STIM1: variants seen among roughly 807,000 people sequenced by gnomAD.
STIM1 encodes stromal interaction molecule 1.
Under a neutral mutation model 74.7 loss-of-function variants are expected in STIM1, and 25 were observed. The observed-to-expected ratio is 0.33, with a 90% CI of 0.24 to 0.47. The LOEUF is 0.47. STIM1 is among the 20% of genes least tolerant of loss of function. The probability of loss-of-function intolerance (pLI) is 1.00; values close to 1 mark genes in which losing one functional copy is unlikely to be tolerated. For missense variants in STIM1, 728 were observed against 920.8 expected (o/e 0.79, Z 2.71); for synonymous variants, 328 against 348.8 (o/e 0.94, Z 0.66).
intron 1 of STIM1, among the ~76,000 whole-genome samples, chr11:3,934,560 C>T (rs1298160862): frequency 6.6e-6 from 1 of 152,190 alleles, no homozygotes; most frequent in Non-Finnish European, 1.5e-5. Context: ...TTAGTTTCAC[C>T]TCTCTTTAGC....
At chr11:3,889,825 G>C (rs1216077813) in intron 1 of STIM1, among the ~76,000 whole-genome samples, 1 of 152,004 alleles carries the variant, frequency 6.6e-6, no homozygotes, top group Non-Finnish European at 1.5e-5. Context: ...TTCTAGGCTT[G>C]GTGCTGAAAA....
chr11:3,858,684 C>A (rs2090483718), intron 1 of STIM1, among the ~76,000 whole-genome samples: 1 of 152,132 alleles, frequency 6.6e-6, no homozygotes. Flanking sequence ...TCTCTGTATC[C>A]CCAGAACACA....
chr11:3,973,029 A>G (rs1290664370), intron 2 of STIM1: 12 of 476,550 alleles, frequency 2.5e-5, no homozygotes, highest in Admixed American at 1.8e-4. Context: ...CATCGTTGTT[A>G]TAGCTGTGAG....
intron 1 of STIM1, among the ~76,000 whole-genome samples, chr11:3,941,614 T>G (rs2093006391): frequency 8.1e-6 from 1 of 123,406 alleles, no homozygotes; most frequent in South Asian, 3.0e-4. Flanking sequence ...TGTGTGTGTG[T>G]ATACATATAT....
intron 2 of STIM1, among the ~76,000 whole-genome samples, chr11:4,010,251 A>G (rs2093823158): frequency 6.6e-6 from 1 of 150,512 alleles, no homozygotes; most frequent in Non-Finnish European, 1.5e-5. Context: ...ACTCACTACA[A>G]CCTCCGCCTT....
At chr11:4,055,326 G>C (rs1337265614) in intron 3 of STIM1, among the ~76,000 whole-genome samples, 200 bp from the exon 4 acceptor site, 3 of 152,074 alleles carry the variant, frequency 2.0e-5, no homozygotes, top group Non-Finnish European at 4.4e-5. Context: ...CCATTGATCT[G>C]CTTTCTATCA....
At chr11:4,073,667 G>A (rs941797891) in intron 6 of STIM1, among the ~76,000 whole-genome samples, 6 of 152,154 alleles carry the variant, frequency 3.9e-5, no homozygotes, top group Admixed American at 1.3e-4. Flanking sequence ...GTGAAGAAGC[G>A]GGAAGGCTTG....
chr11:3,894,061 ACCACGCCAGGCCAATTTGAACTATATTT>A (rs2091981437), intron 1 of STIM1, among the ~76,000 whole-genome samples: 1 of 152,116 alleles, frequency 6.6e-6, no homozygotes, highest in Admixed American at 6.5e-5. Flanking sequence ...GGTGTGAGCC[ACCACGCCAGGCCAATTTGAACTATATTT>A]GAAAAAGAGG....
chr11:4,077,255 T>G (rs1348896193), intron 7 of STIM1, among the ~76,000 whole-genome samples: 1 of 151,766 alleles, frequency 6.6e-6, no homozygotes, highest in Non-Finnish European at 1.5e-5. Flanking sequence ...AATATTTACA[T>G]TAATATAAAG....
intron 2 of STIM1, among the ~76,000 whole-genome samples, chr11:3,975,612 T>C (rs1438216265): frequency 6.6e-6 from 1 of 151,174 alleles, no homozygotes; most frequent in Non-Finnish European, 1.5e-5. Flanking sequence ...AGTGAGACTC[T>C]GCCTCAAAAA....
intron 2 of STIM1, among the ~76,000 whole-genome samples, chr11:4,003,885 CAA>C (rs2093748465): frequency 6.6e-6 from 1 of 152,160 alleles, no homozygotes; most frequent in Non-Finnish European, 1.5e-5. Context: ...GCAACTTCAG[CAA>C]AGTCTCAGGA....
intron 1 of STIM1, among the ~76,000 whole-genome samples, chr11:3,882,753 C>G (rs1475546025): frequency 6.6e-6 from 1 of 152,192 alleles, no homozygotes; most frequent in Non-Finnish European, 1.5e-5. Context: ...AGCTGAACCA[C>G]TTTTTACTTA....
At chr11:3,992,435 A>C (rs957024969) in intron 2 of STIM1, among the ~76,000 whole-genome samples, 1 of 151,570 alleles carries the variant, frequency 6.6e-6, no homozygotes, top group African/African-American at 2.4e-5. Flanking sequence ...TAAATAAAAT[A>C]AAAAACCTTT....
At chr11:3,979,943 T>C (rs1262171047) in intron 2 of STIM1, among the ~76,000 whole-genome samples, 1 of 152,206 alleles carries the variant, frequency 6.6e-6, no homozygotes, top group Non-Finnish European at 1.5e-5. Flanking sequence ...ATGTGCCAGC[T>C]TCATTTTATA....
At chr11:3,941,653 C>CATATATATATAT (rs56890594) in intron 1 of STIM1, among the ~76,000 whole-genome samples, 2 of 122,794 alleles carry the variant, frequency 1.6e-5, no homozygotes, top group Non-Finnish European at 3.3e-5. Flanking sequence ...TGTGTGTATA[C>CATATATATATAT]ATATATATAT....
intron 3 of STIM1, among the ~76,000 whole-genome samples, chr11:4,027,729 G>A (rs2094009712): frequency 6.6e-6 from 1 of 152,178 alleles, no homozygotes. Context: ...TTGGCGTAGT[G>A]TGGATTACAG....
At chr11:3,855,316 G>A (rs1345567445), upstream of STIM1, 1 of 152,464 alleles carries the variant, frequency 6.6e-6, no homozygotes, top group Non-Finnish European at 1.5e-5. Flanking sequence ...GGAGATCGGG[G>A]CAGGGCAGCT....
chr11:3,980,207 A>T (rs1389177187), intron 2 of STIM1, among the ~76,000 whole-genome samples: 3 of 152,258 alleles, frequency 2.0e-5, no homozygotes, highest in African/African-American at 7.2e-5. Context: ...GTTTTGTTTA[A>T]TCCTTAACCA....
In STIM1 at chr11:4,087,548, G is replaced by A. The variant is rs575167997; in HGVS notation, c.1634+1005G>A. 2.6e-4 allele frequency among the ~76,000 whole-genome samples: 40 copies of A among 152,234 alleles called. 1 individual carries two copies. In the South Asian group the frequency reaches 5.0e-3, roughly 19 times the overall value. On this transcript the variant is annotated intron_variant, in intron 12 of 12. Transcript: ENST00000526596. ...GAGAAACAGGTGAGGCTAGAATGAC[G>A]AAGGCTCCGAAAGGGAAGGGTTTTG...
Sources: allele counts gnomAD v4.1 joint callset (sites outside exome capture counted in the v4.1 genomes callset), GRCh38; gene constraint gnomAD v4.1.1; transcripts MANE v1.5; gene names NCBI Gene and HGNC (gene_info 2026-07-23, HGNC 2026-07-21).